Variants in CHL1 observed in about 807,000 individuals in gnomAD.
CHL1 encodes cell adhesion molecule L1 like.
In CHL1, 96 loss-of-function variants were observed where a neutral mutation model predicts 141.9. That is an observed-to-expected ratio of 0.68 (90% confidence interval 0.57 to 0.80). The LOEUF (loss-of-function observed/expected upper bound fraction) is 0.80, where lower values mean the gene tolerates loss of function less well. Ranked by LOEUF, CHL1 falls within the 30% of genes least tolerant of loss-of-function variation. The pLI is 0.00. For missense variants in CHL1, 1,820 were observed against 1,457.2 expected, an observed-to-expected ratio of 1.25 and a Z score of -4.05; for synonymous variants, 613 against 502.2, an observed-to-expected ratio of 1.22 and a Z score of -2.95.
At chr3:327,515 G>T (rs936420390) in intron 4 of CHL1, among the ~76,000 whole-genome samples, 1 of 151,762 alleles carries the variant, frequency 6.6e-6, no homozygotes, top group African/African-American at 2.4e-5. Flanking sequence ...TAAGGAACTG[G>T]CATATTGAAA....
chr3:336,224 T>C (rs2125116960), intron 5 of CHL1, among the ~76,000 whole-genome samples: 1 of 152,320 alleles, frequency 6.6e-6, no homozygotes, highest in East Asian at 1.9e-4. Flanking sequence ...ATTGTACTTC[T>C]TTGTTGAAAA....
In CHL1 at chr3:212,708, C is replaced by T. The variant is rs151218188; in HGVS notation, c.-175+15645C>T. Among the ~76,000 whole-genome samples the T allele has an allele frequency of 1.5e-3, 227 of 152,262 alleles. 1 individual carries two copies. Among genetic ancestry groups the T allele is most frequent in the Non-Finnish European group, 2.8e-3 (189 of 68,010 alleles). ...AGTCAGCCTTCATTATTCCCCTCTC[C>T]GTCCCTGTATCCTTAGAGACCCTCT... On this transcript the variant is annotated intron_variant, in intron 1 of 27. Coordinates refer to ENST00000256509, the MANE Select transcript of CHL1 (RefSeq NM_006614.4).
At chr3:357,875 G>A (rs1013406767) in intron 11 of CHL1, among the ~76,000 whole-genome samples, 2 of 152,190 alleles carry the variant, frequency 1.3e-5, no homozygotes, top group African/African-American at 2.4e-5. Context: ...TAAATGGGAG[G>A]ATGGCGTTAA....
chr3:227,339 C>G (rs1701445703), intron 1 of CHL1, among the ~76,000 whole-genome samples: 1 of 152,126 alleles, frequency 6.6e-6, no homozygotes, highest in South Asian at 2.1e-4. Flanking sequence ...ACAAATACAC[C>G]TGTGTGCAAG....
intron 5 of CHL1, 148 bp from the exon 6 acceptor site, chr3:340,646 C>A: frequency 1.6e-6 from 1 of 641,972 alleles, no homozygotes. Flanking sequence ...TAGTATTTAA[C>A]TCTGAAGGGG....
In CHL1 at chr3:382,254, G is replaced by T. The variant is rs780132331; in HGVS notation, c.1952G>T (p.Gly651Val). The change falls in exon 17 of 28, where the codon GGA becomes GTA. Residue 651 changes from glycine (G) to valine (V), a missense_variant. By Grantham distance (109) the Gly-to-Val change is moderately radical (BLOSUM62 -3). Transcript: ENST00000256509. Reference sequence around the variant, plus strand: ...AGTGTTCGGCTGACCTGGGAAGCTGGAGCTGACCACAACAGCAATATTAGC... The same window carrying T: ...AGTGTTCGGCTGACCTGGGAAGCTGTAGCTGACCACAACAGCAATATTAGC... ...NRSVRLTWEA[G>V]ADHNSNISEY... 1.2e-6 allele frequency: 2 copies of T among 1,613,698 alleles called. No homozygotes were observed. Among genetic ancestry groups the T allele is most frequent in the Admixed American group, 3.3e-5 (2 of 59,976 alleles).
intron 2 of CHL1, among the ~76,000 whole-genome samples, chr3:274,693 C>T (rs189988082): frequency 1.3e-5 from 2 of 152,254 alleles, no homozygotes; most frequent in Admixed American, 1.3e-4. Flanking sequence ...TAATTTTTAC[C>T]ATTTTCAGGA....
chr3:346,803 A>T (rs1186794655), intron 9 of CHL1, among the ~76,000 whole-genome samples: 1 of 152,190 alleles, frequency 6.6e-6, no homozygotes, highest in Non-Finnish European at 1.5e-5. Context: ...TCTTTCTAAG[A>T]AGTTTTCAAG....
chr3:337,533 C>A (rs1467452009), intron 5 of CHL1, among the ~76,000 whole-genome samples: 2 of 148,664 alleles, frequency 1.3e-5, no homozygotes, highest in African/African-American at 5.0e-5. Flanking sequence ...CACCCCACAA[C>A]AGGCCCCGGT....
chr3:382,208 T>C lies in CHL1; in HGVS notation c.1906T>C (p.Leu636=), dbSNP rs1707131337. The C allele has an allele frequency of 1.9e-6, 3 of 1,613,490 alleles. No homozygotes were observed. Among genetic ancestry groups the C allele is most frequent in the Admixed American group, 1.7e-5 (1 of 59,946 alleles). Reference sequence around the variant, plus strand: ...TCCGGATCCACCAGAAAACCTTCACTTGTCTGAAAGACAGAACAGGAGTGT... The same window carrying C: ...TCCGGATCCACCAGAAAACCTTCACCTGTCTGAAAGACAGAACAGGAGTGT... The part of the protein sequence containing the change: ...DVPDPPENLH[L]SERQNRSVRL... Residue 636 remains leucine (L), a synonymous_variant, in exon 17 of 28, where the codon TTG becomes CTG. Coordinates refer to ENST00000256509, the MANE Select transcript of CHL1 (RefSeq NM_006614.4).
In CHL1 at chr3:389,441, C is replaced by T. The variant is rs753158419; in HGVS notation, c.2437C>T (p.Pro813Ser). 12 of 1,613,998 alleles carry T rather than the reference C, an allele frequency of 7.4e-6. No individual in the cohort carries two copies. In the African/African-American group the frequency reaches 1.5e-4, roughly 20 times the overall value. Residue 813 changes from proline (P) to serine (S), a missense_variant, in exon 20 of 28, where the codon CCT becomes TCT. Coordinates refer to ENST00000256509, the MANE Select transcript of CHL1 (RefSeq NM_006614.4). The part of the protein sequence containing the change: ...AINQLGSGPD[P>S]QSVTLYSGED... The stretch of plus-strand genomic sequence containing the variant: ...CAATCAACTAGGATCTGGGCCTGAC[C>T]CTCAGTCAGTGACTCTCTATTCTGG...
In CHL1 at chr3:361,708, C is replaced by A; in HGVS notation, c.1316C>A (p.Pro439Gln). The A allele has an allele frequency of 6.2e-7, 1 of 1,608,334 alleles. No individual in the cohort carries two copies. The highest frequency in any genetic ancestry group is 8.5e-7 in the Non-Finnish European group (1 of 1,174,990). The change falls in exon 13 of 28, where the codon CCA (proline) becomes CAA (glutamine). Residue 439 changes from proline to glutamine, a missense_variant. Coordinates refer to ENST00000256509, the MANE Select transcript of CHL1 (RefSeq NM_006614.4). Reference protein sequence around the residue: ...NANIDVVDVRPLIQTKDGENY... With the variant: ...NANIDVVDVRQLIQTKDGENY... ...TGTTATTTTCAAATAGATGTCCGTC[C>A]ATTGATACAAACCAAAGATGGAGAA...
intron 8 of CHL1, among the ~76,000 whole-genome samples, chr3:344,144 C>A (rs73817634): frequency 0.014 from 2,173 of 152,220 alleles, 41 homozygotes; most frequent in African/African-American, 0.05. Context: ...CCACAGCCTT[C>A]CTCAGTGAGA....
intron 2 of CHL1, among the ~76,000 whole-genome samples, chr3:294,039 C>T (rs1477123310): frequency 1.3e-5 from 2 of 152,114 alleles, no homozygotes; most frequent in East Asian, 1.9e-4. Context: ...AGGTTACAGG[C>T]TGGGAGCAGT....
intron 5 of CHL1, among the ~76,000 whole-genome samples, chr3:328,640 A>G (rs1701197560): frequency 1.3e-5 from 2 of 152,164 alleles, no homozygotes; most frequent in Non-Finnish European, 2.9e-5. Context: ...TATTAGTTAA[A>G]CTTGGCTAAA....
rs765154580 is a variant in CHL1, at chr3:398,200, C to G, written c.3095-27C>G. The G allele has an allele frequency of 7.5e-6, 11 of 1,461,500 alleles. No individual in the cohort carries two copies. In the Admixed American group the frequency reaches 8.4e-5, roughly 11 times the overall value. 90.5% of individuals were successfully genotyped at this position (1,461,500 alleles called of 1,614,324 possible). On this transcript the variant is annotated intron_variant, in intron 24 of 27. Transcript: ENST00000256509. ...CCTGTTTTTCCATGATTACAATTCACATGATTTAACTGTGTACATTTCTTA... is the reference window on the plus strand; with the variant it reads ...CCTGTTTTTCCATGATTACAATTCAGATGATTTAACTGTGTACATTTCTTA...
intron 2 of CHL1, among the ~76,000 whole-genome samples, chr3:270,022 A>G (rs1479551718): frequency 1.3e-5 from 2 of 152,180 alleles, no homozygotes; most frequent in Non-Finnish European, 2.9e-5. Context: ...GCTAGAAGAG[A>G]TGTGATAATT....
At chr3:391,903 G>A (rs1708258792) in intron 23 of CHL1, 106 bp downstream of exon 23, 3 of 869,292 alleles carry the variant, frequency 3.5e-6, no homozygotes, top group Admixed American at 6.5e-5. Context: ...GCCATGGTTT[G>A]TAAGCTGCCG....
In CHL1 at chr3:321,695, T is replaced by C. The variant is rs114082671; in HGVS notation, c.91+1828T>C. 3.1e-3 allele frequency among the ~76,000 whole-genome samples: 472 copies of C among 152,230 alleles called. 2 individuals carry two copies. Among genetic ancestry groups the C allele is most frequent in the African/African-American group, 0.011 (438 of 41,574 alleles). ...TTATTCTGGTTGTCTCAGTTACTTATGCATTTTCATGCTGTAAGGTCCTTA... is the reference window on the plus strand; with the variant it reads ...TTATTCTGGTTGTCTCAGTTACTTACGCATTTTCATGCTGTAAGGTCCTTA... On this transcript the variant is annotated intron_variant, in intron 3 of 27. Coordinates refer to ENST00000256509, the MANE Select transcript of CHL1 (RefSeq NM_006614.4).
Sources: allele counts gnomAD v4.1 joint callset (sites outside exome capture counted in the v4.1 genomes callset), GRCh38; gene constraint gnomAD v4.1.1; transcripts MANE v1.5; gene names NCBI Gene and HGNC (gene_info 2026-07-23, HGNC 2026-07-21).